CLTCL1: variants seen among roughly 807,000 people sequenced by gnomAD.
CLTCL1 encodes the protein clathrin heavy chain like 1.
A neutral mutation model predicts 190.0 loss-of-function variants in CLTCL1; 159 were observed. The ratio of observed to expected loss-of-function variants is 0.84; its 90% CI spans 0.74 to 0.95. The LOEUF (loss-of-function observed/expected upper bound fraction) is 0.95. CLTCL1 is among the 40% of genes least tolerant of loss of function. The pLI, the probability that CLTCL1 is intolerant of heterozygous loss-of-function variation, is 0.00. For missense variants in CLTCL1, 1,878 were observed against 2,033.4 expected (o/e 0.92, Z 1.47); for synonymous variants, 752 against 769.6 (o/e 0.98, Z 0.38).
At chr22:19,196,157 G>T (rs1377456094) in intron 26 of CLTCL1, 109 bp downstream of exon 26, 2 of 1,127,390 alleles carry the variant, frequency 1.8e-6, no homozygotes, top group East Asian at 2.5e-5. Context: ...CGCACACACA[G>T]CATGGGGGCA....
chr22:19,238,828 T>C (rs1201301155), intron 5 of CLTCL1: 1 of 154,636 alleles, frequency 6.5e-6, no homozygotes, highest in African/African-American at 2.4e-5. Context: ...GTAAAGGAAA[T>C]AAGTGTTTTA....
chr22:19,246,953 C>T lies in CLTCL1; in HGVS notation c.520-4017G>A, dbSNP rs5993566. Among the ~76,000 whole-genome samples, 734 of 152,246 alleles carry T rather than the reference C, an allele frequency of 4.8e-3. 5 individuals are homozygous for T. Among genetic ancestry groups the T allele is most frequent in the African/African-American group, 0.017 (694 of 41,546 alleles). ...TATTACATCCCAGGTTGTCTTTTCA[C>T]TTTATTGGCAATATCCTTTTATGCA... is the stretch of plus-strand genomic sequence containing the variant. On this transcript the variant is annotated intron_variant, in intron 3 of 32. Coordinates refer to ENST00000427926, the MANE Select transcript of CLTCL1 (RefSeq NM_007098.4).
At position 19,221,994 on chromosome 22, in the gene CLTCL1, A is replaced by G; in HGVS notation, c.2518T>C (p.Phe840Leu). The change falls in exon 16 of 33, where the codon TTC (phenylalanine) becomes CTC (leucine). Residue 840 changes from phenylalanine to leucine, a missense_variant. By Grantham distance (22) the Phe-to-Leu change is conservative. Coordinates refer to ENST00000427926, the MANE Select transcript of CLTCL1 (RefSeq NM_007098.4). The stretch of plus-strand genomic sequence containing the variant: ...TCAGCCACCAACTCATCAGTAGAGA[A>G]CTGTCCTCTCACTGCCATGATTAAG... ...KHLIMAVRGQ[F>L]STDELVAEVE... The G allele has an allele frequency of 6.2e-7, 1 of 1,613,978 alleles. No homozygotes were observed. Among genetic ancestry groups the G allele is most frequent in the Non-Finnish European group, 8.5e-7 (1 of 1,179,880 alleles).
intron 11 of CLTCL1, among the ~76,000 whole-genome samples, chr22:19,228,383 T>C (rs554309587): frequency 1.3e-5 from 2 of 152,356 alleles, no homozygotes; most frequent in Non-Finnish European, 2.9e-5. Flanking sequence ...ACCCAACTAC[T>C]TGTTTCTCCT....
intron 14 of CLTCL1, among the ~76,000 whole-genome samples, 167 bp from the exon 15 acceptor site, chr22:19,222,976 G>A: frequency 6.6e-6 from 1 of 152,228 alleles, no homozygotes; most frequent in East Asian, 1.9e-4. Flanking sequence ...TATGGCATTT[G>A]CTTTGGGAAA....
intron 11 of CLTCL1, among the ~76,000 whole-genome samples, chr22:19,228,541 T>C (rs181423650): frequency 1.3e-3 from 195 of 152,358 alleles, no homozygotes; most frequent in African/African-American, 4.1e-3. Flanking sequence ...AACAGTACTT[T>C]TATTTCCTAG....
At chr22:19,230,016 C>A in intron 10 of CLTCL1, 41 bp from the exon 11 acceptor site, 2 of 1,528,186 alleles carry the variant, frequency 1.3e-6, no homozygotes, top group East Asian at 2.5e-5. Context: ...AGTATGTTTT[C>A]ATTCAGTGTT....
Position 19,187,621 on chromosome 22 carries a change from C to A in CLTCL1, c.4542G>T (p.Leu1514=), listed in dbSNP as rs187075533. Residue 1514 remains leucine (L), a synonymous_variant, in exon 29 of 33, where the codon CTG becomes CTT. Coordinates refer to ENST00000427926, the MANE Select transcript of CLTCL1 (RefSeq NM_007098.4). The stretch of plus-strand genomic sequence containing the variant: ...GGGCCCACCAGTTATTGCCCTTGTA[C>A]AGATAGGCCGCAATGCACCTGAACT... ...LMEFRCIAAY[L]YKGNNWWAQS... 508 of 1,613,624 alleles carry A rather than the reference C, an allele frequency of 3.1e-4. No individual in the cohort carries two copies. The highest frequency in any genetic ancestry group is 2.2e-3 in the African/African-American group (164 of 75,034).
Position 19,219,920 on chromosome 22 carries a change from C to T in CLTCL1, c.2884G>A (p.Glu962Lys), listed in dbSNP as rs782430203. ...DPELWAHVLE[E>K]TNPSRRQLID... is the part of the protein sequence containing the mutation. ...AGCTGTCTCCTGGATGGGTTGGTCT[C>T]CTCAAGGACGTGAGCCCAGAGCTCC... is the stretch of plus-strand genomic sequence containing the variant. The change falls in exon 18 of 33, where the codon GAG (glutamate) becomes AAG (lysine). Residue 962 changes from glutamate (E) to lysine (K), a missense_variant. Coordinates refer to ENST00000427926, the MANE Select transcript of CLTCL1 (RefSeq NM_007098.4). 1.2e-6 allele frequency: 2 copies of T among 1,613,954 alleles called. No individual in the cohort carries two copies. The highest frequency in any genetic ancestry group is 1.7e-6 in the Non-Finnish European group (2 of 1,179,916).
Position 19,201,392 on chromosome 22 carries a change from G to C in CLTCL1, c.3702C>G (p.Leu1234=). ...TGTCCACTGCTGCCTGATACTCACC[G>C]AGGTGAACCAAGGTGGAAGCCAGGC... The part of the protein sequence containing the change: ...FARLASTLVH[L]GEYQAAVDNS... The change falls in exon 23 of 33, where the codon CTC becomes CTG. Residue 1234 remains leucine (L), a synonymous_variant. Coordinates refer to ENST00000427926, the MANE Select transcript of CLTCL1 (RefSeq NM_007098.4). 6.2e-7 allele frequency: 1 copy of C among 1,613,802 alleles called. No homozygotes were observed. The highest frequency in any genetic ancestry group is 8.5e-7 in the Non-Finnish European group (1 of 1,179,846).
chr22:19,205,098 A>G (rs2085010075), intron 22 of CLTCL1, among the ~76,000 whole-genome samples: 1 of 151,998 alleles, frequency 6.6e-6, no homozygotes, highest in African/African-American at 2.4e-5. Flanking sequence ...GATTAAAAAA[A>G]AAAAACTTTG....
intron 1 of CLTCL1, among the ~76,000 whole-genome samples, chr22:19,277,158 T>A (rs1194554854): frequency 6.6e-6 from 1 of 151,994 alleles, no homozygotes; most frequent in South Asian, 2.1e-4. Flanking sequence ...ATACTGAGAG[T>A]ATAATTCAGG....
In CLTCL1 at chr22:19,224,967, T is replaced by C. The variant is rs557069148; in HGVS notation, c.2128+486A>G. On this transcript the variant is annotated intron_variant, in intron 13 of 32. Coordinates refer to ENST00000427926, the MANE Select transcript of CLTCL1 (RefSeq NM_007098.4). The stretch of plus-strand genomic sequence containing the variant: ...GCCCTAGAACACTTTTTTGGTGTGA[T>C]GTCCAAGAAGGGGAAAGGAAGACAA... 6.8e-4 allele frequency among the ~76,000 whole-genome samples: 103 copies of C among 152,284 alleles called. 2 individuals carry two copies. In the South Asian group the frequency reaches 0.02, roughly 30 times the overall value.
intron 26 of CLTCL1, 52 bp downstream of exon 26, chr22:19,196,214 A>T: frequency 6.4e-7 from 1 of 1,572,518 alleles, no homozygotes; most frequent in Non-Finnish European, 8.6e-7. Flanking sequence ...CTGCACCCAG[A>T]ATAGGGCCTG....
chr22:19,191,166 A>T, intron 27 of CLTCL1, 138 bp downstream of exon 27: 1 of 968,094 alleles, frequency 1.0e-6, no homozygotes, highest in East Asian at 2.5e-5. Flanking sequence ...CTGAAACCTA[A>T]AACACTTTGA....
At chr22:19,188,157 A>C in intron 27 of CLTCL1, 66 bp from the exon 28 acceptor site, 2 of 1,416,030 alleles carry the variant, frequency 1.4e-6, no homozygotes, top group South Asian at 1.2e-5. Context: ...AGGCAGGGGC[A>C]CAGGTGGGCA....
intron 12 of CLTCL1, 73 bp from the exon 13 acceptor site, chr22:19,225,706 G>T (rs1555955599): frequency 1.8e-5 from 24 of 1,329,126 alleles, no homozygotes. Context: ...AAATAACTAG[G>T]TCATTCTCCT....
intron 26 of CLTCL1, among the ~76,000 whole-genome samples, chr22:19,193,642 A>G (rs1633395): frequency 0.98 from 148,774 of 152,358 alleles, 72,663 homozygotes; most frequent in East Asian, 1. Context: ...AGGCCAAGGC[A>G]GGCGGATTGT....
In CLTCL1 at chr22:19,232,581, G is replaced by T. The variant is rs782139490; in HGVS notation, c.1539C>A (p.Asp513Glu). The change falls in exon 10 of 33, where the codon GAC (aspartate) becomes GAA (glutamate). Residue 513 changes from aspartate (D) to glutamate (E), a missense_variant. Asp to Glu is a conservative substitution (Grantham distance 45). Coordinates refer to ENST00000427926, the MANE Select transcript of CLTCL1 (RefSeq NM_007098.4). Reference sequence around the variant, plus strand: ...TTACACCCCTCAGCAGAAAGATCCAGTCTGGGGTGTACCCAACCTAGAAGC... The same window carrying T: ...TTACACCCCTCAGCAGAAAGATCCATTCTGGGGTGTACCCAACCTAGAAGC... ...LYAKKVGYTP[D>E]WIFLLRGVMK... is the part of the protein sequence containing the mutation. 6.2e-7 allele frequency: 1 copy of T among 1,613,204 alleles called. No individual in the cohort carries two copies. Among genetic ancestry groups the T allele is most frequent in the East Asian group, 2.2e-5 (1 of 44,856 alleles).
Sources: gnomAD v4.1 joint callset for allele counts (sites outside exome capture counted in the v4.1 genomes callset) on GRCh38, gnomAD v4.1.1 for gene constraint, MANE v1.5 for transcripts, NCBI Gene and HGNC (gene_info 2026-07-23, HGNC 2026-07-21) for gene names.